Variants in SDC2 observed in about 807,000 individuals in gnomAD.
SDC2 encodes syndecan-2.
A neutral mutation model predicts 22.2 loss-of-function variants in SDC2; 13 were observed. The observed-to-expected ratio is 0.59, with a 90% CI of 0.38 to 0.93. SDC2 has a LOEUF of 0.93. Ranked by LOEUF, SDC2 falls within the 40% of genes least tolerant of loss-of-function variation. SDC2 has a pLI of 0.00. For missense variants in SDC2, 235 were observed against 246.8 expected (o/e 0.95, Z 0.32); for synonymous variants, 94 against 92.8 (o/e 1.01, Z -0.07).
chr8:96,605,143 T>C (rs1473784641), intron 3 of SDC2, among the ~76,000 whole-genome samples: 1 of 152,164 alleles, frequency 6.6e-6, no homozygotes, highest in East Asian at 1.9e-4. Flanking sequence ...AGGGACTCAA[T>C]CACATGGTGA....
chr8:96,610,299 T>A lies in SDC2; in HGVS notation c.*751T>A, dbSNP rs1235331551. The A allele has an allele frequency of 6.6e-6, 1 of 152,652 alleles. No individual in the cohort carries two copies. Among genetic ancestry groups the A allele is most frequent in the African/African-American group, 2.4e-5 (1 of 41,468 alleles). 9.5% of individuals were successfully genotyped at this position (152,652 alleles called of 1,614,324 possible). A position where few individuals can be genotyped will look rare whatever the true frequency, so the allele number is the denominator to read the frequency against. On this transcript the variant is annotated 3_prime_UTR_variant, in exon 5 of 5. Coordinates refer to ENST00000302190, the MANE Select transcript of SDC2 (RefSeq NM_002998.4). Reference sequence around the variant, plus strand: ...TGACAAGCCTCAGCAAACCCAAAGATGTTAACAGTATTTTAAGAAGTTGCT... The same window carrying A: ...TGACAAGCCTCAGCAAACCCAAAGAAGTTAACAGTATTTTAAGAAGTTGCT...
chr8:96,525,692 T>C (rs561658744), intron 1 of SDC2, among the ~76,000 whole-genome samples: 23 of 152,304 alleles, frequency 1.5e-4, no homozygotes, highest in Admixed American at 1.2e-3. Context: ...ACTGGCAAAC[T>C]GCATTCCCAA....
At chr8:96,594,691 C>T (rs372475875) in intron 2 of SDC2, among the ~76,000 whole-genome samples, 8 of 152,252 alleles carry the variant, frequency 5.3e-5, no homozygotes, top group Middle Eastern at 3.4e-3. Flanking sequence ...TTCATTCTCA[C>T]CCTGCTAACA....
intron 1 of SDC2, among the ~76,000 whole-genome samples, chr8:96,583,685 A>ATG (rs3064977): frequency 0.18 from 25,441 of 142,084 alleles, 2,396 homozygotes; most frequent in African/African-American, 0.25. Flanking sequence ...TTTGAAATAT[A>ATG]TGTGTGTGTG....
intron 1 of SDC2, among the ~76,000 whole-genome samples, chr8:96,549,605 A>G (rs1478867547): frequency 6.6e-6 from 1 of 152,178 alleles, no homozygotes; most frequent in East Asian, 1.9e-4. Flanking sequence ...GTTTGTCTTC[A>G]TTTAGAGTAA....
chr8:96,515,760 G>A (rs908903653), intron 1 of SDC2, among the ~76,000 whole-genome samples: 2 of 152,146 alleles, frequency 1.3e-5, no homozygotes, highest in Non-Finnish European at 2.9e-5. Flanking sequence ...CTGAGGTCCC[G>A]AGAAGTTGAT....
chr8:96,516,309 T>A (rs1813400680), intron 1 of SDC2, among the ~76,000 whole-genome samples: 1 of 152,130 alleles, frequency 6.6e-6, no homozygotes, highest in South Asian at 2.1e-4. Context: ...GCAAGCGTTA[T>A]CTAGAAATTA....
At chr8:96,566,797 A>G (rs1025762477) in intron 1 of SDC2, among the ~76,000 whole-genome samples, 1 of 151,856 alleles carries the variant, frequency 6.6e-6, no homozygotes, top group African/African-American at 2.4e-5. Context: ...GTAAGCATCT[A>G]TATTTAGGGA....
chr8:96,587,081 C>G (rs1437529821), intron 1 of SDC2, among the ~76,000 whole-genome samples: 1 of 152,110 alleles, frequency 6.6e-6, no homozygotes, highest in Non-Finnish European at 1.5e-5. Context: ...TGCTACCACG[C>G]CTGGCTAATT....
chr8:96,570,953 T>C (rs1814383957), intron 1 of SDC2, among the ~76,000 whole-genome samples: 1 of 151,996 alleles, frequency 6.6e-6, no homozygotes. Context: ...GAGTTTCAGT[T>C]TGGGATGATG....
intron 1 of SDC2, among the ~76,000 whole-genome samples, chr8:96,518,864 G>A (rs777338086): frequency 2.4e-4 from 37 of 152,104 alleles, no homozygotes; most frequent in Non-Finnish European, 3.5e-4. Context: ...TTGAACTGAC[G>A]TCTGGCACAG....
intron 2 of SDC2, among the ~76,000 whole-genome samples, chr8:96,597,428 A>T (rs1814896640): frequency 6.6e-6 from 1 of 152,176 alleles, no homozygotes; most frequent in African/African-American, 2.4e-5. Context: ...TACATTTGAC[A>T]CACCTCTCCT....
At chr8:96,602,817 A>G (rs888405606) in intron 3 of SDC2, among the ~76,000 whole-genome samples, 1 of 152,206 alleles carries the variant, frequency 6.6e-6, no homozygotes, top group African/African-American at 2.4e-5. Flanking sequence ...TATTTTTCAC[A>G]TGGCCCTCCT....
chr8:96,569,236 C>T (rs569708638), intron 1 of SDC2, among the ~76,000 whole-genome samples: 7 of 152,294 alleles, frequency 4.6e-5, no homozygotes, highest in Admixed American at 6.5e-5. Context: ...GTTGAACTCC[C>T]GGCCTCGAGC....
At chr8:96,561,768 C>T (rs1365231650) in intron 1 of SDC2, among the ~76,000 whole-genome samples, 1 of 152,158 alleles carries the variant, frequency 6.6e-6, no homozygotes, top group African/African-American at 2.4e-5. Context: ...GAGAACAAAA[C>T]TCAGAGGTGC....
intron 3 of SDC2, among the ~76,000 whole-genome samples, chr8:96,604,019 G>T (rs1389214815): frequency 6.6e-6 from 1 of 152,158 alleles, no homozygotes; most frequent in Non-Finnish European, 1.5e-5. Context: ...GAGTGTGTGT[G>T]GCACAATTAG....
At chr8:96,570,937 T>C (rs1814383556) in intron 1 of SDC2, among the ~76,000 whole-genome samples, 1 of 152,086 alleles carries the variant, frequency 6.6e-6, no homozygotes, top group African/African-American at 2.4e-5. Flanking sequence ...TACTGTTTAA[T>C]GGGTAGAGTT....
chr8:96,571,738 C>CT (rs1814398487), intron 1 of SDC2, among the ~76,000 whole-genome samples: 1 of 152,154 alleles, frequency 6.6e-6, no homozygotes, highest in Non-Finnish European at 1.5e-5. Context: ...CAGCTGCTCA[C>CT]AAACTAAAAC....
chr8:96,581,573 A>T (rs1204894943), intron 1 of SDC2, among the ~76,000 whole-genome samples: 1 of 152,054 alleles, frequency 6.6e-6, no homozygotes, highest in Non-Finnish European at 1.5e-5. Flanking sequence ...CAGAGGTTGC[A>T]GTGAGCCGAG....
Sources: allele counts gnomAD v4.1 joint callset (sites outside exome capture counted in the v4.1 genomes callset), GRCh38; gene constraint gnomAD v4.1.1; transcripts MANE v1.5; gene names NCBI Gene and HGNC (gene_info 2026-07-23, HGNC 2026-07-21).